Variants in MDGA2 observed in about 807,000 individuals in gnomAD.
MDGA2 encodes MAM domain-containing glycosylphosphatidylinositol anchor protein 2.
In MDGA2, 40 loss-of-function variants were observed where a neutral mutation model predicts 117.8. The ratio of observed to expected loss-of-function variants is 0.34; its 90% confidence interval spans 0.26 to 0.44. The LOEUF (loss-of-function observed/expected upper bound fraction) is 0.44, where lower values mean the gene tolerates loss of function less well. Among genes scored for constraint, MDGA2 ranks in the 20% least tolerant of loss-of-function variants. The pLI, the probability that MDGA2 is intolerant of heterozygous loss-of-function variation, is 1.00. For missense variants in MDGA2, 1,123 were observed against 1,250.6 expected (o/e 0.90, Z 1.54); for synonymous variants, 452 against 439.0 (o/e 1.03, Z -0.37).
intron 1 of MDGA2, among the ~76,000 whole-genome samples, chr14:47,391,016 T>A (rs535584609): frequency 6.6e-6 from 1 of 152,292 alleles, no homozygotes; most frequent in East Asian, 1.9e-4. Context: ...ATTTACAATG[T>A]AACACACTAG....
intron 2 of MDGA2, among the ~76,000 whole-genome samples, chr14:47,221,497 G>A (rs1345265115): frequency 6.6e-6 from 1 of 152,054 alleles, no homozygotes; most frequent in Non-Finnish European, 1.5e-5. Flanking sequence ...GACCATCCTG[G>A]CTAACATGGT....
intron 1 of MDGA2, among the ~76,000 whole-genome samples, chr14:47,606,753 CT>C (rs1896750670): frequency 1.3e-5 from 2 of 152,162 alleles, no homozygotes; most frequent in Non-Finnish European, 2.9e-5. Flanking sequence ...ACAAAAAGAG[CT>C]GCTGTGAGTG....
intron 1 of MDGA2, among the ~76,000 whole-genome samples, chr14:47,407,432 T>C (rs1477172337): frequency 1.3e-5 from 2 of 152,194 alleles, no homozygotes; most frequent in East Asian, 3.9e-4. Flanking sequence ...CTTTTTATTC[T>C]GTTTGCTTAT....
chr14:47,403,876 T>C (rs1246786962), intron 1 of MDGA2, among the ~76,000 whole-genome samples: 1 of 152,142 alleles, frequency 6.6e-6, no homozygotes, highest in Non-Finnish European at 1.5e-5. Context: ...AGAAAAGGGA[T>C]GTCCTTATCT....
intron 3 of MDGA2, among the ~76,000 whole-genome samples, chr14:47,150,058 G>A (rs1229599802): frequency 1.3e-5 from 2 of 152,144 alleles, no homozygotes; most frequent in Non-Finnish European, 2.9e-5. Context: ...GTTCTATCCC[G>A]AGAAGGGTGT....
chr14:47,030,211 T>C (rs1479939558), intron 8 of MDGA2, among the ~76,000 whole-genome samples: 1 of 152,038 alleles, frequency 6.6e-6, no homozygotes, highest in Non-Finnish European at 1.5e-5. Flanking sequence ...AGGTACTTTG[T>C]TTAGAAAGTT....
At chr14:47,202,210 A>C (rs1885533085) in intron 3 of MDGA2, among the ~76,000 whole-genome samples, 1 of 152,182 alleles carries the variant, frequency 6.6e-6, no homozygotes, top group African/African-American at 2.4e-5. Flanking sequence ...GCAAATAGCA[A>C]GTACTTGATT....
intron 2 of MDGA2, among the ~76,000 whole-genome samples, chr14:47,254,828 C>T (rs1351745761): frequency 2.0e-5 from 3 of 152,126 alleles, no homozygotes; most frequent in Non-Finnish European, 4.4e-5. Context: ...AGGAAAGAGG[C>T]TTGGGTGGGA....
chr14:47,350,954 C>A (rs1890864575), intron 1 of MDGA2, among the ~76,000 whole-genome samples: 1 of 152,206 alleles, frequency 6.6e-6, no homozygotes, highest in Non-Finnish European at 1.5e-5. Flanking sequence ...CTGCAACACC[C>A]AGGCTGGAAC....
chr14:47,113,170 G>C (rs1221572116), intron 5 of MDGA2, among the ~76,000 whole-genome samples: 1 of 152,116 alleles, frequency 6.6e-6, no homozygotes, highest in East Asian at 1.9e-4. Flanking sequence ...ACAACCATCA[G>C]AGAATACTAT....
At chr14:47,545,532 T>G (rs890582575) in intron 1 of MDGA2, among the ~76,000 whole-genome samples, 2 of 152,090 alleles carry the variant, frequency 1.3e-5, no homozygotes, top group Non-Finnish European at 2.9e-5. Context: ...AGCTATAGAT[T>G]AAAGGTCTGC....
intron 2 of MDGA2, among the ~76,000 whole-genome samples, chr14:47,295,588 T>A (rs1889036970): frequency 6.6e-6 from 1 of 152,142 alleles, no homozygotes. Context: ...TATAAAGGAA[T>A]GACCTGCTCA....
intron 10 of MDGA2, among the ~76,000 whole-genome samples, chr14:46,909,066 G>C (rs1453990625): frequency 1.3e-5 from 2 of 151,948 alleles, no homozygotes; most frequent in Non-Finnish European, 2.9e-5. Context: ...TTAATTTTTT[G>C]TCTGCTTCCT....
chr14:47,461,305 T>C (rs540374156), intron 1 of MDGA2, among the ~76,000 whole-genome samples: 1 of 25,990 alleles, frequency 3.8e-5, no homozygotes, highest in African/African-American at 8.8e-5. Context: ...GTGTATCTAC[T>C]GTGAGATGGA....
intron 1 of MDGA2, among the ~76,000 whole-genome samples, chr14:47,659,013 ATG>A (rs1214719973): frequency 6.6e-6 from 1 of 152,176 alleles, no homozygotes; most frequent in Non-Finnish European, 1.5e-5. Context: ...AACCACCTGC[ATG>A]TAAACCTTCC....
chr14:47,235,635 T>A (rs1461191224), intron 2 of MDGA2, among the ~76,000 whole-genome samples: 1 of 152,138 alleles, frequency 6.6e-6, no homozygotes, highest in Non-Finnish European at 1.5e-5. Context: ...GGATGGACAA[T>A]CTTGTGGCAA....
At chr14:47,070,804 C>T (rs7153090) in intron 6 of MDGA2, among the ~76,000 whole-genome samples, 48,079 of 151,990 alleles carry the variant, frequency 0.32, 8,352 homozygotes, top group East Asian at 0.52. Context: ...GACTGGGTTT[C>T]ACCATGTTGG....
chr14:47,119,268 T>G (rs1405737495), intron 5 of MDGA2, among the ~76,000 whole-genome samples: 2 of 149,372 alleles, frequency 1.3e-5, no homozygotes, highest in Non-Finnish European at 3.0e-5. Flanking sequence ...GGTTTCACCG[T>G]GTTAGCCAGG....
intron 2 of MDGA2, among the ~76,000 whole-genome samples, chr14:47,241,149 A>G (rs1887025446): frequency 6.6e-6 from 1 of 151,900 alleles, no homozygotes; most frequent in Admixed American, 6.6e-5. Flanking sequence ...ATCATTTAAA[A>G]GGTTACTTTA....
Sources: allele counts gnomAD v4.1 joint callset (sites outside exome capture counted in the v4.1 genomes callset), GRCh38; gene constraint gnomAD v4.1.1; transcripts MANE v1.5; gene names NCBI Gene and HGNC (gene_info 2026-07-23, HGNC 2026-07-21).